ARMC2: variants seen among roughly 807,000 people sequenced by gnomAD.
ARMC2 encodes the protein armadillo repeat-containing protein 2.
In ARMC2, 67 loss-of-function variants were observed where a neutral mutation model predicts 90.3. The ratio of observed to expected loss-of-function variants is 0.74; its 90% CI spans 0.61 to 0.91. The LOEUF (loss-of-function observed/expected upper bound fraction) is 0.91, where lower values mean the gene tolerates loss of function less well. ARMC2 is among the 40% of genes least tolerant of loss of function. ARMC2 has a pLI of 0.00. For missense variants in ARMC2, 920 were observed against 1,030.9 expected (o/e 0.89, Z 1.47); for synonymous variants, 393 against 393.0 (o/e 1.00, Z 0.00).
chr6:108,866,480 C>G (rs987271209), intron 3 of ARMC2, among the ~76,000 whole-genome samples: 2 of 152,178 alleles, frequency 1.3e-5, no homozygotes, highest in Admixed American at 1.3e-4. Flanking sequence ...AGGGCCTTGA[C>G]TATGAGAGGA....
the ARMC2 span, chr6:109,000,810 T>C: frequency 1.6e-6 from 1 of 628,576 alleles, no homozygotes; most frequent in Non-Finnish European, 2.3e-6. Flanking sequence ...GAAATGCAGT[T>C]TTTATATAAA....
At chr6:109,049,718 T>C in the ARMC2 span, among the ~76,000 whole-genome samples, 1 of 150,040 alleles carries the variant, frequency 6.7e-6, no homozygotes, top group Non-Finnish European at 1.5e-5. Context: ...ATATATTATA[T>C]ACTAATATTG....
Position 108,926,725 on chromosome 6 carries a change from C to CA in ARMC2, c.1351-1352dup, listed in dbSNP as rs923207428. ...GGATGACAAAGAGAGACTCTGTCTC[C>CA]AAAAAAAAAAAGTCCATTCCTTAGC... On this transcript the variant is annotated intron_variant, in intron 10 of 17. Coordinates refer to ENST00000392644, the MANE Select transcript of ARMC2 (RefSeq NM_032131.6). Among the ~76,000 whole-genome samples, 134 of 137,006 alleles carry CA rather than the reference C, an allele frequency of 9.8e-4. 1 individual carries two copies. Among genetic ancestry groups the CA allele is most frequent in the Middle Eastern group, 3.8e-3 (1 of 264 alleles). The allele number at this position is 137,006 out of a possible 152,430, so 89.9% of individuals were successfully genotyped here.
chr6:108,870,332 C>T (rs1776254472), intron 4 of ARMC2, among the ~76,000 whole-genome samples: 1 of 152,064 alleles, frequency 6.6e-6, no homozygotes, highest in African/African-American at 2.4e-5. Context: ...AACACTGGGT[C>T]CCCATTCCAT....
chr6:108,927,079 T>C (rs1488738888), intron 10 of ARMC2, among the ~76,000 whole-genome samples: 1 of 152,202 alleles, frequency 6.6e-6, no homozygotes, highest in East Asian at 1.9e-4. Context: ...GCTTTATGTT[T>C]ACATGATGCT....
the ARMC2 span, among the ~76,000 whole-genome samples, chr6:109,037,284 G>A: frequency 6.6e-6 from 1 of 152,048 alleles, no homozygotes; most frequent in African/African-American, 2.4e-5. Flanking sequence ...TAAAAATTTT[G>A]TTTTTTCTCT....
chr6:108,997,642 A>G, the ARMC2 span, among the ~76,000 whole-genome samples: 2 of 152,352 alleles, frequency 1.3e-5, no homozygotes, highest in African/African-American at 4.8e-5. Context: ...TTAGATACAA[A>G]AGAACTGAGA....
the ARMC2 span, chr6:108,988,576 A>G: frequency 3.2e-5 from 51 of 1,612,860 alleles, no homozygotes; most frequent in African/African-American, 6.5e-4. Flanking sequence ...TCCAGAAGCT[A>G]TCATACATTC....
chr6:108,866,566 T>C (rs943171507), intron 3 of ARMC2, among the ~76,000 whole-genome samples: 2 of 152,186 alleles, frequency 1.3e-5, no homozygotes, highest in African/African-American at 2.4e-5. Flanking sequence ...TGGCATTTCT[T>C]GAGCTTCCAT....
chr6:109,042,913 A>G, the ARMC2 span, among the ~76,000 whole-genome samples: 3 of 152,132 alleles, frequency 2.0e-5, no homozygotes, highest in Non-Finnish European at 4.4e-5. Flanking sequence ...AAAGAAAAAT[A>G]CAGCCTCATG....
At chr6:108,964,699 G>A (rs1024908650) in intron 16 of ARMC2, among the ~76,000 whole-genome samples, 4 of 152,058 alleles carry the variant, frequency 2.6e-5, no homozygotes, top group East Asian at 1.9e-4. Flanking sequence ...GCTTGAATCC[G>A]GGATACAGAG....
chr6:108,918,579 T>G (rs1446297284), intron 10 of ARMC2, among the ~76,000 whole-genome samples: 1 of 152,130 alleles, frequency 6.6e-6, no homozygotes, highest in Non-Finnish European at 1.5e-5. Context: ...TTGGGAACCC[T>G]GATGGTTCAT....
At chr6:109,014,376 AT>A in the ARMC2 span, among the ~76,000 whole-genome samples, 2 of 152,246 alleles carry the variant, frequency 1.3e-5, no homozygotes, top group Non-Finnish European at 2.9e-5. Context: ...AATTTGTGAC[AT>A]AGAAACTAAA....
chr6:109,004,041 G>A, the ARMC2 span, among the ~76,000 whole-genome samples: 10 of 152,046 alleles, frequency 6.6e-5, no homozygotes, highest in African/African-American at 2.4e-4. Context: ...TCAAATGGGG[G>A]AAAATGAATT....
At chr6:108,858,054 G>T in intron 2 of ARMC2, 145 bp from the exon 3 acceptor site, 1 of 516,150 alleles carries the variant, frequency 1.9e-6, no homozygotes, top group Non-Finnish European at 3.4e-6. Context: ...ACTGTTTTAA[G>T]TACAATAACA....
chr6:108,931,776 T>G (rs553868271), intron 11 of ARMC2, among the ~76,000 whole-genome samples: 29 of 152,026 alleles, frequency 1.9e-4, no homozygotes, highest in African/African-American at 7.0e-4. Flanking sequence ...CACTTTTTTT[T>G]TTTTGAGATG....
intron 5 of ARMC2, among the ~76,000 whole-genome samples, chr6:108,885,416 T>A (rs747668131): frequency 7.9e-5 from 12 of 152,096 alleles, no homozygotes; most frequent in Admixed American, 2.6e-4. Flanking sequence ...TAAGAAAAAG[T>A]GATAATCTGG....
chr6:109,048,625 G>C, the ARMC2 span, among the ~76,000 whole-genome samples: 3 of 152,068 alleles, frequency 2.0e-5, no homozygotes, highest in Non-Finnish European at 4.4e-5. Flanking sequence ...CAAGCCTGTG[G>C]GTAGATGGCC....
chr6:108,854,345 T>C lies in ARMC2; in HGVS notation c.78T>C (p.Ser26=), dbSNP rs1484675585. 1.2e-6 allele frequency: 2 copies of C among 1,612,846 alleles called. No individual in the cohort carries two copies. The highest frequency in any genetic ancestry group is 1.6e-4 in the Middle Eastern group (1 of 6,062). The change falls in exon 2 of 18, where the codon AGT becomes AGC. Residue 26 remains serine (S), a synonymous_variant. Transcript: ENST00000392644. ...YQPSVSKQKT[S]AEIISEARNA... ...CTTCAGTGTCCAAGCAGAAGACCAG[T>C]GCAGAAATCATAAGTGAAGCAAGAA...
Sources: allele counts gnomAD v4.1 joint callset (sites outside exome capture counted in the v4.1 genomes callset), GRCh38; gene constraint gnomAD v4.1.1; transcripts MANE v1.5; gene names NCBI Gene and HGNC (gene_info 2026-07-23, HGNC 2026-07-21).